The following NRXN1 variants were observed in gnomAD, a reference collection of about 807,000 sequenced individuals.
NRXN1 encodes the protein neurexin-1.
A neutral mutation model predicts 150.9 loss-of-function variants in NRXN1; 39 were observed. The ratio of observed to expected loss-of-function variants is 0.26; its 90% CI spans 0.20 to 0.34. The LOEUF is 0.34. NRXN1 is among the 10% of genes least tolerant of loss of function. The probability of loss-of-function intolerance (pLI) is 1.00; values close to 1 mark genes in which losing one functional copy is unlikely to be tolerated. For synonymous variants in NRXN1, 924 were observed against 757.0 expected (o/e 1.22, Z -3.62); for missense variants, 1,815 against 1,949.9 (o/e 0.93, Z 1.30).
chr2:51,031,729 T>C (rs1017192841), intron 1 of NRXN1, among the ~76,000 whole-genome samples: 1 of 152,060 alleles, frequency 6.6e-6, no homozygotes, highest in Non-Finnish European at 1.5e-5. Context: ...CTGTCTCTTA[T>C]TTTCTTTCTT....
chr2:50,938,692 CTTAAAA>C (rs771772542), intron 2 of NRXN1, among the ~76,000 whole-genome samples: 2 of 152,060 alleles, frequency 1.3e-5, no homozygotes, highest in East Asian at 3.9e-4. Context: ...TCTCAAGAAA[CTTAAAA>C]TTTCATTTTT....
At chr2:50,432,602 A>G (rs148920502) in intron 17 of NRXN1, among the ~76,000 whole-genome samples, 52 of 152,290 alleles carry the variant, frequency 3.4e-4, no homozygotes, top group Non-Finnish European at 1.5e-5. Context: ...GCCACTTGGA[A>G]TTCCTGTCCC....
chr2:50,225,809 G>C (rs1235708448), intron 18 of NRXN1, among the ~76,000 whole-genome samples: 1 of 151,930 alleles, frequency 6.6e-6, no homozygotes, highest in East Asian at 1.9e-4. Context: ...AATCAAACTA[G>C]TTGCAAATGC....
At chr2:50,641,270 T>C (rs553434579) in intron 5 of NRXN1, among the ~76,000 whole-genome samples, 2 of 152,162 alleles carry the variant, frequency 1.3e-5, no homozygotes, top group Admixed American at 6.6e-5. Context: ...TTTCTTTACA[T>C]GTATTTCAAT....
intron 6 of NRXN1, among the ~76,000 whole-genome samples, chr2:50,622,501 G>A (rs1680211906): frequency 6.6e-6 from 1 of 152,046 alleles, no homozygotes. Flanking sequence ...GTAATATAAA[G>A]TTTCACATAA....
intron 18 of NRXN1, among the ~76,000 whole-genome samples, chr2:50,130,994 T>C (rs926412041): frequency 3.9e-5 from 6 of 152,216 alleles, no homozygotes; most frequent in African/African-American, 1.4e-4. Context: ...TACTTAAGTA[T>C]ATCTTTATTG....
intron 10 of NRXN1, among the ~76,000 whole-genome samples, chr2:50,534,725 G>T (rs1266907697): frequency 1.3e-5 from 2 of 152,120 alleles, no homozygotes; most frequent in Non-Finnish European, 2.9e-5. Context: ...GATCAAAACA[G>T]TGTTTGTTTT....
At chr2:50,409,430 G>C (rs2104046640) in intron 17 of NRXN1, among the ~76,000 whole-genome samples, 1 of 152,312 alleles carries the variant, frequency 6.6e-6, no homozygotes, top group East Asian at 1.9e-4. Context: ...TTCTCTTGCT[G>C]TGTTTTTAGG....
chr2:50,087,595 C>CTAT (rs1698970053), intron 19 of NRXN1, among the ~76,000 whole-genome samples: 1 of 152,092 alleles, frequency 6.6e-6, no homozygotes, highest in Admixed American at 6.5e-5. Flanking sequence ...AGAGCTTTAA[C>CTAT]TGATAAGCAC....
Position 50,591,267 on chromosome 2 carries a change from G to GA in NRXN1, c.1320+28754dup, listed in dbSNP as rs60581668. Among the ~76,000 whole-genome samples the GA allele has an allele frequency of 1.9e-3, 279 of 146,376 alleles. 1 individual carries two copies. Among genetic ancestry groups the GA allele is most frequent in the Non-Finnish European group, 2.7e-3 (177 of 65,728 alleles). On this transcript the variant is annotated intron_variant, in intron 8 of 22. Coordinates refer to ENST00000401669, the MANE Select transcript of NRXN1 (RefSeq NM_001330078.2). ...TAAAATGTCTGATGACTCGACAAAG[G>GA]AAAAAAAAAAATAGATACCTAACAT...
intron 17 of NRXN1, among the ~76,000 whole-genome samples, chr2:50,400,154 G>A (rs966993657): frequency 1.1e-4 from 17 of 151,930 alleles, no homozygotes; most frequent in Admixed American, 1.3e-4. Context: ...TGAAACTACT[G>A]TTACTTGCTG....
chr2:50,764,308 G>T (rs1440339179), intron 5 of NRXN1, among the ~76,000 whole-genome samples: 1 of 151,910 alleles, frequency 6.6e-6, no homozygotes, highest in Admixed American at 6.6e-5. Flanking sequence ...AAAATTCCAA[G>T]TTGAACAAAT....
At chr2:50,043,423 G>A (rs1219388833) in intron 21 of NRXN1, among the ~76,000 whole-genome samples, 3 of 152,114 alleles carry the variant, frequency 2.0e-5, no homozygotes, top group Admixed American at 6.6e-5. Context: ...TGCTGTGCAC[G>A]GAAAAGTCAG....
rs1052488110 is a variant in NRXN1 at position 50,682,673 on chromosome 2, A to G, written c.833-59058T>C. On this transcript the variant is annotated intron_variant, in intron 5 of 22. Coordinates refer to ENST00000401669, the MANE Select transcript of NRXN1 (RefSeq NM_001330078.2). ...CATTATCAGAAGATAAAACCATCAT[A>G]CTCTAATGGGCTGATACAGATTGCA... is the stretch of plus-strand genomic sequence containing the variant. Among the ~76,000 whole-genome samples, 50 of 152,168 alleles carry G rather than the reference A, an allele frequency of 3.3e-4. 1 individual carries two copies. The highest frequency in any genetic ancestry group is 8.8e-5 in the Non-Finnish European group (6 of 68,002).
At chr2:50,337,968 G>A in intron 17 of NRXN1, among the ~76,000 whole-genome samples, 1 of 152,162 alleles carries the variant, frequency 6.6e-6, no homozygotes, top group East Asian at 1.9e-4. Context: ...ATGTTTACCA[G>A]AAGCCCATCA....
At chr2:50,858,428 A>G (rs1248690426) in intron 5 of NRXN1, among the ~76,000 whole-genome samples, 2 of 152,052 alleles carry the variant, frequency 1.3e-5, no homozygotes, top group African/African-American at 4.8e-5. Flanking sequence ...GGAAAAAAAA[A>G]TCTGAATTTT....
intron 17 of NRXN1, among the ~76,000 whole-genome samples, chr2:50,322,224 G>A (rs13415203): frequency 0.074 from 11,249 of 152,098 alleles, 538 homozygotes; most frequent in Non-Finnish European, 0.1. Flanking sequence ...CTATGTAACC[G>A]TAGGAGTTGC....
chr2:50,995,560 G>A (rs1446156159), intron 2 of NRXN1, among the ~76,000 whole-genome samples: 1 of 148,098 alleles, frequency 6.8e-6, no homozygotes, highest in Non-Finnish European at 1.5e-5. Context: ...AGCCAAGAGT[G>A]TGCCACTGTA....
intron 19 of NRXN1, among the ~76,000 whole-genome samples, chr2:50,073,656 C>A (rs536960205): frequency 6.6e-6 from 1 of 152,182 alleles, no homozygotes; most frequent in East Asian, 1.9e-4. Context: ...ATGGAGTTAA[C>A]TTCCTTCTTG....
Sources: allele counts gnomAD v4.1 joint callset (sites outside exome capture counted in the v4.1 genomes callset), GRCh38; gene constraint gnomAD v4.1.1; transcripts MANE v1.5; gene names NCBI Gene and HGNC (gene_info 2026-07-23, HGNC 2026-07-21).